The following PRKCB variants were observed in gnomAD, a reference collection of about 807,000 sequenced individuals.
PRKCB encodes protein kinase C beta type.
PRKCB carries 13 observed loss-of-function variants against 81.5 expected under a neutral mutation model. The observed-to-expected ratio is 0.16, with a 90% confidence interval of 0.10 to 0.25. The LOEUF is 0.25. Among genes scored for constraint, PRKCB ranks in the 10% least tolerant of loss-of-function variants. The pLI, the probability that PRKCB is intolerant of heterozygous loss-of-function variation, is 1.00. For synonymous variants in PRKCB, 335 were observed against 321.4 expected (o/e 1.04, Z -0.45); for missense variants, 509 against 875.7 (o/e 0.58, Z 5.29).
chr16:23,873,473 G>A lies in PRKCB; in HGVS notation c.205+36067G>A, dbSNP rs563168884. Among the ~76,000 whole-genome samples the A allele has an allele frequency of 4.1e-4, 62 of 152,266 alleles. 2 individuals carry two copies. In the South Asian group the frequency reaches 0.011, roughly 26 times the overall value. On this transcript the variant is annotated intron_variant, in intron 2 of 16. Coordinates refer to ENST00000643927, the MANE Select transcript of PRKCB (RefSeq NM_002738.7). ...GCTTCTCTTTGTTTTTGGACCATGG[G>A]TTTTCTGGTTCTTCTTTGGTTCCTG...
intron 5 of PRKCB, among the ~76,000 whole-genome samples, chr16:24,040,956 C>A (rs1043036317): frequency 1.3e-5 from 2 of 152,050 alleles, no homozygotes; most frequent in Non-Finnish European, 2.9e-5. Context: ...TCATGATGCC[C>A]ATAGGTGTCA....
intron 5 of PRKCB, among the ~76,000 whole-genome samples, chr16:24,049,802 G>A (rs1384809124): frequency 6.6e-6 from 1 of 152,236 alleles, no homozygotes; most frequent in Admixed American, 6.5e-5. Flanking sequence ...ATGGGAGGAA[G>A]CAGAATCAAC....
intron 2 of PRKCB, among the ~76,000 whole-genome samples, chr16:23,865,448 A>G (rs1385042808): frequency 8.9e-6 from 1 of 112,582 alleles, no homozygotes; most frequent in African/African-American, 3.4e-5. Context: ...AACTACAGGC[A>G]TGTACAACAA....
chr16:24,047,373 A>G (rs533017091), intron 5 of PRKCB, among the ~76,000 whole-genome samples: 1 of 151,970 alleles, frequency 6.6e-6, no homozygotes, highest in East Asian at 1.9e-4. Flanking sequence ...AAATAAAATA[A>G]AATACAAATT....
intron 2 of PRKCB, among the ~76,000 whole-genome samples, chr16:23,932,625 A>G (rs1963995331): frequency 6.6e-6 from 1 of 152,220 alleles, no homozygotes; most frequent in South Asian, 2.1e-4. Flanking sequence ...CTCAGGAATC[A>G]TGCAATGTGC....
intron 2 of PRKCB, among the ~76,000 whole-genome samples, chr16:23,838,107 T>C (rs1007298483): frequency 2.0e-5 from 3 of 152,150 alleles, no homozygotes; most frequent in African/African-American, 7.2e-5. Flanking sequence ...TCCCCCGTCT[T>C]TGGGGCTCAT....
intron 2 of PRKCB, among the ~76,000 whole-genome samples, chr16:23,944,166 G>C (rs1964174959): frequency 6.6e-6 from 1 of 152,184 alleles, no homozygotes; most frequent in South Asian, 2.1e-4. Flanking sequence ...TAATCTATGA[G>C]AGGGACTTTT....
chr16:23,951,432 CT>C (rs1172456302), intron 2 of PRKCB, among the ~76,000 whole-genome samples: 1 of 151,958 alleles, frequency 6.6e-6, no homozygotes, highest in African/African-American at 2.4e-5. Context: ...TTTCTAGTGG[CT>C]TTTTTATTTG....
intron 2 of PRKCB, among the ~76,000 whole-genome samples, chr16:23,914,841 T>A (rs966109649): frequency 6.6e-6 from 1 of 152,216 alleles, no homozygotes; most frequent in Non-Finnish European, 1.5e-5. Context: ...GTACTGGTGA[T>A]GTCCACCGTG....
At chr16:23,869,175 A>G (rs1962861256) in intron 2 of PRKCB, 3 of 452,410 alleles carry the variant, frequency 6.6e-6, no homozygotes, top group Non-Finnish European at 1.3e-5. Context: ...GAGCAGACAC[A>G]ATCTACTCTA....
chr16:23,866,681 C>G (rs892282659), intron 2 of PRKCB, among the ~76,000 whole-genome samples: 1 of 152,158 alleles, frequency 6.6e-6, no homozygotes, highest in Admixed American at 6.5e-5. Context: ...GCAAGTGTTT[C>G]TCGTGTTCCT....
intron 5 of PRKCB, among the ~76,000 whole-genome samples, chr16:24,049,321 A>G (rs62027364): frequency 3.9e-5 from 2 of 51,324 alleles, no homozygotes; most frequent in Non-Finnish European, 7.8e-5. Context: ...CTGCACCCTT[A>G]ACCACTACCC....
intron 9 of PRKCB, among the ~76,000 whole-genome samples, chr16:24,124,593 C>T (rs1966839420): frequency 6.6e-6 from 1 of 152,144 alleles, no homozygotes; most frequent in Admixed American, 6.5e-5. Flanking sequence ...GGGACTCATA[C>T]AGTGTTTCTG....
chr16:24,208,442 C>G (rs1968081683), intron 16 of PRKCB: 1 of 152,192 alleles, frequency 6.6e-6, no homozygotes, highest in South Asian at 2.1e-4. Flanking sequence ...GCTTTTCAAA[C>G]TGTCTAGATT....
chr16:23,902,866 C>T (rs550592269), intron 2 of PRKCB, among the ~76,000 whole-genome samples: 29 of 148,912 alleles, frequency 1.9e-4, no homozygotes, highest in African/African-American at 6.9e-4. Flanking sequence ...TGCAGTGTCA[C>T]GATCGTAGTT....
chr16:24,197,573 C>T (rs1373236646), intron 16 of PRKCB, among the ~76,000 whole-genome samples: 12 of 152,308 alleles, frequency 7.9e-5, no homozygotes, highest in Non-Finnish European at 8.8e-5. Context: ...TTTACACCAA[C>T]TCATGAGCCA....
chr16:23,859,229 G>A (rs953034914), intron 2 of PRKCB, among the ~76,000 whole-genome samples: 6 of 152,192 alleles, frequency 3.9e-5, no homozygotes, highest in African/African-American at 1.2e-4. Context: ...TGACTCCTAG[G>A]CTTGAAGGTC....
At chr16:23,886,025 T>C (rs776296068) in intron 2 of PRKCB, among the ~76,000 whole-genome samples, 28 of 152,258 alleles carry the variant, frequency 1.8e-4, no homozygotes, top group Non-Finnish European at 4.1e-4. Flanking sequence ...ATTTATTTTC[T>C]CTTTGAATCC....
At position 24,219,709 on chromosome 16, in the gene PRKCB, T is replaced by G; in HGVS notation, c.*4893T>G. ...ACACACACACACACACACACCACTT[T>G]ATGGCAATTCTTAACTGACATTCAA... On this transcript the variant is annotated 3_prime_UTR_variant, in exon 17 of 17. Transcript: ENST00000643927. 1 of 1,318,384 alleles carries G rather than the reference T, an allele frequency of 7.6e-7. No homozygotes were observed. The highest frequency in any genetic ancestry group is 3.3e-5 in the East Asian group (1 of 30,718). 81.7% of individuals were successfully genotyped at this position (1,318,384 alleles called of 1,614,324 possible).
Sources: allele counts gnomAD v4.1 joint callset (sites outside exome capture counted in the v4.1 genomes callset), GRCh38; gene constraint gnomAD v4.1.1; transcripts MANE v1.5; gene names NCBI Gene and HGNC (gene_info 2026-07-23, HGNC 2026-07-21).